Variants in RFX1 observed in about 807,000 individuals in gnomAD.
The protein encoded by RFX1 is regulatory factor X1, also known as MHC class II regulatory factor RFX1.
RFX1 carries 42 observed loss-of-function variants against 119.6 expected under a neutral mutation model. That is an observed-to-expected ratio of 0.35 (90% CI 0.27 to 0.45). RFX1 has a LOEUF of 0.45. Among genes scored for constraint, RFX1 ranks in the 20% least tolerant of loss-of-function variants. The pLI is 1.00. For missense variants in RFX1, 1,118 were observed against 1,368.1 expected (o/e 0.82, Z 2.88); for synonymous variants, 628 against 618.5 (o/e 1.02, Z -0.23).
In RFX1 at chr19:13,968,926, T is replaced by TG. The variant is rs1973990432; in HGVS notation, c.1497-33dup. The TG allele has an allele frequency of 6.5e-7, 1 of 1,537,716 alleles. No homozygotes were observed. ...GGGAGGTGGAGGGGAAGGGCTGGGC[T>TG]GGGGGTCTGCCGGCTGGCCGGCCAT... On this transcript the variant is annotated intron_variant, in intron 10 of 20. Coordinates refer to ENST00000254325, the MANE Select transcript of RFX1 (RefSeq NM_002918.5). This position sits in a 1 kb window ranked among gnomAD's most constrained non-coding sequence, Gnocchi z 5.5.
At chr19:13,993,109 C>T (rs1272691511) in intron 2 of RFX1, among the ~76,000 whole-genome samples, 4 of 152,104 alleles carry the variant, frequency 2.6e-5, no homozygotes, top group South Asian at 4.1e-4. Context: ...GCCTGAGCAA[C>T]ATGGGAAGAT....
chr19:13,993,220 G>A (rs932409378), intron 2 of RFX1, among the ~76,000 whole-genome samples: 2 of 152,166 alleles, frequency 1.3e-5, no homozygotes, highest in Admixed American at 1.3e-4. Flanking sequence ...GCTTGAGCCT[G>A]GAGGGTTGAG....
chr19:13,992,446 G>A (rs1044563532), intron 2 of RFX1, among the ~76,000 whole-genome samples: 1 of 152,206 alleles, frequency 6.6e-6, no homozygotes, highest in Admixed American at 6.5e-5. Context: ...GTCTGTCCAA[G>A]ATGGCCTGCT....
At position 13,962,496 on chromosome 19, in the gene RFX1, C is replaced by CA. The variant is rs901190542; in HGVS notation, c.*198dup. Reference sequence around the variant, plus strand: ...GTTCCTTAAGGCACGTCTTTTGTGTCAGAGTTTGCAGCTGCGGCTCCGCCC... The same window carrying CA: ...GTTCCTTAAGGCACGTCTTTTGTGTCAAGAGTTTGCAGCTGCGGCTCCGCCC... On this transcript the variant is annotated 3_prime_UTR_variant, in exon 21 of 21. Coordinates refer to ENST00000254325, the MANE Select transcript of RFX1 (RefSeq NM_002918.5). The CA allele has an allele frequency of 5.1e-5, 28 of 548,186 alleles. No homozygotes were observed. The highest frequency in any genetic ancestry group is 7.0e-5 in the Non-Finnish European group (22 of 316,118). 34.0% of individuals were successfully genotyped at this position (548,186 alleles called of 1,614,324 possible).
intron 2 of RFX1, among the ~76,000 whole-genome samples, chr19:13,988,326 C>G (rs552549585): frequency 5.9e-5 from 9 of 152,142 alleles, no homozygotes; most frequent in Non-Finnish European, 7.4e-5. Flanking sequence ...AGCACCAGGG[C>G]CCCCCTGAGG....
In RFX1 at chr19:13,963,551, A is replaced by G; in HGVS notation, c.2557T>C (p.Trp853Arg). ...CCGCGCGCGCACCTGTAGAAGGACC[A>G]CTTGAGGAGGAAGAGCTTGGCGGCC... Reference protein sequence around the residue: ...PKAAKLFLLKWSFYSSMVIRD... With the variant: ...PKAAKLFLLKRSFYSSMVIRD... The change falls in exon 18 of 21, where the codon TGG becomes CGG. Residue 853 changes from tryptophan (W) to arginine (R), a missense_variant. Around this residue, in one of 5 missense-constraint regions of RFX1, gnomAD observed 32 missense variants for 71.5 expected, o/e 0.45. Coordinates refer to ENST00000254325, the MANE Select transcript of RFX1 (RefSeq NM_002918.5). 1 of 1,605,044 alleles carries G rather than the reference A, an allele frequency of 6.2e-7. No homozygotes were observed. Among genetic ancestry groups the G allele is most frequent in the Non-Finnish European group, 8.5e-7 (1 of 1,179,316 alleles).
Position 13,968,508 on chromosome 19 carries a change from C to T in RFX1, c.1732+57G>A, listed in dbSNP as rs375308718. The T allele has an allele frequency of 6.4e-6, 9 of 1,413,398 alleles. No individual in the cohort carries two copies. Among genetic ancestry groups the T allele is most frequent in the East Asian group, 2.3e-5 (1 of 43,648 alleles). 87.6% of individuals were successfully genotyped at this position (1,413,398 alleles called of 1,614,324 possible). A position where few individuals can be genotyped will look rare whatever the true frequency, so the allele number is the denominator to read the frequency against. ...CCTGCCGCCATCCAGCTTTGGGAAC[C>T]GTCTGCACGGGGCAGGGAGGCGGTG... On this transcript the variant is annotated intron_variant, in intron 12 of 20. Coordinates refer to ENST00000254325, the MANE Select transcript of RFX1 (RefSeq NM_002918.5). The surrounding 1 kb of genome is among the most constrained non-coding windows in gnomAD (Gnocchi z 5.5).
At chr19:13,973,481 G>A (rs937673514) in intron 8 of RFX1, among the ~76,000 whole-genome samples, 1 of 152,130 alleles carries the variant, frequency 6.6e-6, no homozygotes, top group Non-Finnish European at 1.5e-5. Flanking sequence ...GCATGCTGGT[G>A]CACACCTGCA....
intron 2 of RFX1, among the ~76,000 whole-genome samples, chr19:13,989,583 G>C (rs919267769): frequency 5.4e-5 from 8 of 148,828 alleles, no homozygotes; most frequent in East Asian, 2.0e-4. Context: ...GACAGACAGA[G>C]AGAAAGAGAG....
At position 13,965,911 on chromosome 19, in the gene RFX1, A is replaced by G; in HGVS notation, c.1962-134T>C. 3 of 1,069,662 alleles carry G rather than the reference A, an allele frequency of 2.8e-6. No homozygotes were observed. Among genetic ancestry groups the G allele is most frequent in the Non-Finnish European group, 4.0e-6 (3 of 744,076 alleles). 66.3% of individuals were successfully genotyped at this position (1,069,662 alleles called of 1,614,324 possible). On this transcript the variant is annotated intron_variant, in intron 14 of 20. Transcript: ENST00000254325. The surrounding 1 kb of genome is among the most constrained non-coding windows in gnomAD (Gnocchi z 4.7). ...TCTGTGGTTCTACCCCCAGCATCAG[A>G]AGGCACAGGTACCCCCTTACCCCCA...
chr19:13,980,734 A>ATCCTCTCTGGGGTGGGCTCGCT lies in RFX1; in HGVS notation c.622-46_622-45insAGCGAGCCCACCCCAGAGAGGA. On this transcript the variant is annotated intron_variant, in intron 5 of 20. Transcript: ENST00000254325. The surrounding 1 kb of genome is among the most constrained non-coding windows in gnomAD (Gnocchi z 5.1). Reference sequence around the variant, plus strand: ...AGGAGTGCCGCTGGGGTGGGCTTGCATCCTCTCTGAGGTGGGCTCACACAC... The same window carrying ATCCTCTCTGGGGTGGGCTCGCT: ...AGGAGTGCCGCTGGGGTGGGCTTGCATCCTCTCTGGGGTGGGCTCGCTTCCTCTCTGAGGTGGGCTCACACAC... 1 of 1,415,386 alleles carries ATCCTCTCTGGGGTGGGCTCGCT rather than the reference A, an allele frequency of 7.1e-7. No homozygotes were observed. The highest frequency in any genetic ancestry group is 9.7e-7 in the Non-Finnish European group (1 of 1,029,654). 87.7% of individuals were successfully genotyped at this position (1,415,386 alleles called of 1,614,324 possible).
rs2145622642 is a variant in RFX1 at position 13,993,813 on chromosome 19, C to T, written c.31G>A (p.Ala11Thr). MATQAYTELQAAPPPSQPPQA... is the reference protein window; with the variant it reads MATQAYTELQTAPPPSQPPQA... ...GGCGGCTGGGATGGTGGCGGGGCTG[C>T]CTGTAGCTCAGTATACGCCTGTGTT... The change falls in exon 2 of 21, where the codon GCA becomes ACA. Residue 11 changes from alanine (A) to threonine (T), a missense_variant. Physicochemically the swap from Ala to Thr is moderately conservative, Grantham distance 58. Transcript: ENST00000254325. 2 of 1,599,374 alleles carry T rather than the reference C, an allele frequency of 1.3e-6. No individual in the cohort carries two copies. The highest frequency in any genetic ancestry group is 1.7e-6 in the Non-Finnish European group (2 of 1,175,614).
intron 2 of RFX1, among the ~76,000 whole-genome samples, chr19:13,989,757 G>A (rs756752171): frequency 2.0e-5 from 3 of 152,116 alleles, no homozygotes; most frequent in Non-Finnish European, 1.5e-5. Context: ...AGGATGTGAC[G>A]GGACCTAATG....
At position 13,968,841 on chromosome 19, in the gene RFX1, A is replaced by C; in HGVS notation, c.1550T>G (p.Leu517Arg). 1.3e-6 allele frequency: 2 copies of C among 1,554,340 alleles called. No homozygotes were observed. The highest frequency in any genetic ancestry group is 2.4e-5 in the South Asian group (2 of 84,902). Residue 517 changes from leucine to arginine, a missense_variant, in exon 11 of 21, where the codon CTG (leucine) becomes CGG (arginine). Transcript: ENST00000254325. This position sits in a 1 kb window ranked among gnomAD's most constrained non-coding sequence, Gnocchi z 5.5. ...YGLRIKASSP[L>R]LRLMEDQQHM... ...CTGCTGGTCCTCCATCAGCCGCAGCAGGGGTGAGCTGGCCTTGATGCGCAG... is the reference window on the plus strand; with the variant it reads ...CTGCTGGTCCTCCATCAGCCGCAGCCGGGGTGAGCTGGCCTTGATGCGCAG...
At position 13,973,147 on chromosome 19, in the gene RFX1, A is replaced by G; in HGVS notation, c.930-20T>C. ...GAACGGCTGGGAAAGAGGCAAAGCC[A>G]AGGGAGAGTCAGGGGGATGAGAACT... is the stretch of plus-strand genomic sequence containing the variant. On this transcript the variant is annotated intron_variant, in intron 8 of 20. Coordinates refer to ENST00000254325, the MANE Select transcript of RFX1 (RefSeq NM_002918.5). 1 of 1,402,576 alleles carries G rather than the reference A, an allele frequency of 7.1e-7. No individual in the cohort carries two copies. The highest frequency in any genetic ancestry group is 9.5e-7 in the Non-Finnish European group (1 of 1,057,548). The allele number at this position is 1,402,576 out of a possible 1,614,324, so 86.9% of individuals were successfully genotyped here.
rs756047618 is a variant in RFX1, at chr19:13,968,929, G to C, written c.1497-35C>G. 6.5e-7 allele frequency: 1 copy of C among 1,539,680 alleles called. No homozygotes were observed. The highest frequency in any genetic ancestry group is 8.7e-7 in the Non-Finnish European group (1 of 1,143,918). On this transcript the variant is annotated intron_variant, in intron 10 of 20. Coordinates refer to ENST00000254325, the MANE Select transcript of RFX1 (RefSeq NM_002918.5). This position sits in a 1 kb window ranked among gnomAD's most constrained non-coding sequence, Gnocchi z 5.5. Reference sequence around the variant, plus strand: ...AGGTGGAGGGGAAGGGCTGGGCTGGGGGTCTGCCGGCTGGCCGGCCATGGA... The same window carrying C: ...AGGTGGAGGGGAAGGGCTGGGCTGGCGGTCTGCCGGCTGGCCGGCCATGGA...
At chr19:13,983,410 T>C (rs573374487) in intron 3 of RFX1, 76 bp downstream of exon 3, 1 of 1,286,018 alleles carries the variant, frequency 7.8e-7, no homozygotes, top group African/African-American at 1.5e-5. Flanking sequence ...GGAGGGGAGG[T>C]GAGGCCCCCG....
Position 13,980,753 on chromosome 19 carries a change from C to CGCATCCTCTCTG in RFX1, c.622-65_622-64insCAGAGAGGATGC. On this transcript the variant is annotated intron_variant, in intron 5 of 20. Transcript: ENST00000254325. This position sits in a 1 kb window ranked among gnomAD's most constrained non-coding sequence, Gnocchi z 5.1. ...GCTTGCATCCTCTCTGAGGTGGGCT[C>CGCATCCTCTCTG]ACACACACACCCTTCTCAGGAGAGC... 4 of 929,578 alleles carry CGCATCCTCTCTG rather than the reference C, an allele frequency of 4.3e-6. No homozygotes were observed. Among genetic ancestry groups the CGCATCCTCTCTG allele is most frequent in the Non-Finnish European group, 4.9e-6 (3 of 608,748 alleles). 57.6% of individuals were successfully genotyped at this position (929,578 alleles called of 1,614,324 possible). A position where few individuals can be genotyped will look rare whatever the true frequency, so the allele number is the denominator to read the frequency against.
chr19:14,003,355 T>A (rs749432627), intron 1 of RFX1, among the ~76,000 whole-genome samples: 7 of 151,890 alleles, frequency 4.6e-5, no homozygotes, highest in Non-Finnish European at 1.0e-4. Context: ...GCCAGGGGAG[T>A]GACTTTCCCA....
Sources: allele counts gnomAD v4.1 joint callset (sites outside exome capture counted in the v4.1 genomes callset), GRCh38; gene constraint gnomAD v4.1.1; regional missense constraint gnomAD v4.1.1; non-coding constraint Gnocchi (gnomAD v3.1); transcripts MANE v1.5; gene names NCBI Gene and HGNC (gene_info 2026-07-23, HGNC 2026-07-21).